Variants in PTPRT observed in about 807,000 individuals in gnomAD.
The protein encoded by PTPRT is protein tyrosine phosphatase receptor type T, also known as receptor-type tyrosine-protein phosphatase T.
In PTPRT, 56 loss-of-function variants were observed where a neutral mutation model predicts 176.8. That is an observed-to-expected ratio of 0.32 (90% CI 0.26 to 0.40). The LOEUF (loss-of-function observed/expected upper bound fraction) is 0.40, where lower values mean the gene tolerates loss of function less well. Among genes scored for constraint, PTPRT ranks in the 10% least tolerant of loss-of-function variants. The pLI is 1.00. For synonymous variants in PTPRT, 783 were observed against 739.0 expected (o/e 1.06, Z -0.96); for missense variants, 1,540 against 1,908.2 (o/e 0.81, Z 3.60).
At chr20:42,585,253 A>G (rs549206436) in intron 7 of PTPRT, among the ~76,000 whole-genome samples, 4 of 152,210 alleles carry the variant, frequency 2.6e-5, no homozygotes, top group Admixed American at 2.0e-4. Context: ...TAAGAGATAC[A>G]TGATAAATAT....
intron 1 of PTPRT, among the ~76,000 whole-genome samples, chr20:42,967,396 G>C (rs1352731287): frequency 6.6e-6 from 1 of 152,122 alleles, no homozygotes; most frequent in African/African-American, 2.4e-5. Context: ...AAGAGGAAAA[G>C]ACACAGACAC....
intron 2 of PTPRT, among the ~76,000 whole-genome samples, chr20:42,841,911 G>C (rs1178806103): frequency 6.6e-6 from 1 of 152,222 alleles, no homozygotes; most frequent in Non-Finnish European, 1.5e-5. Flanking sequence ...GAAGGCCTGT[G>C]ACTTGTGCAT....
intron 9 of PTPRT, among the ~76,000 whole-genome samples, chr20:42,393,994 A>G (rs749675746): frequency 1.3e-5 from 2 of 152,156 alleles, no homozygotes; most frequent in Non-Finnish European, 2.9e-5. Context: ...TCCAAAACAA[A>G]TAAGGAGGAA....
intron 1 of PTPRT, among the ~76,000 whole-genome samples, chr20:42,896,729 T>C (rs937420108): frequency 1.1e-4 from 17 of 151,988 alleles, no homozygotes; most frequent in Non-Finnish European, 2.5e-4. Flanking sequence ...AGGGCCTGTA[T>C]GACTCAGTGC....
chr20:42,878,740 C>A (rs1200123905), intron 2 of PTPRT, among the ~76,000 whole-genome samples: 2 of 152,162 alleles, frequency 1.3e-5, no homozygotes, highest in African/African-American at 4.8e-5. Context: ...TAGAAGAAAG[C>A]AACGCTGGCC....
intron 7 of PTPRT, among the ~76,000 whole-genome samples, chr20:42,481,551 A>G (rs2071384627): frequency 6.6e-6 from 1 of 152,166 alleles, no homozygotes. Flanking sequence ...CTAATTAGCA[A>G]CATGGAGGTT....
intron 7 of PTPRT, among the ~76,000 whole-genome samples, chr20:42,477,247 C>T (rs1432653180): frequency 6.6e-6 from 1 of 152,204 alleles, no homozygotes; most frequent in East Asian, 1.9e-4. Flanking sequence ...CAACGTGGCA[C>T]AGGGTCTGTC....
chr20:42,640,644 TA>T, intron 7 of PTPRT, among the ~76,000 whole-genome samples: 1 of 152,222 alleles, frequency 6.6e-6, no homozygotes, highest in South Asian at 2.1e-4. Context: ...CCCAAAGTGC[TA>T]GGATTACCTG....
rs545935680 is a variant in PTPRT at position 42,529,412 on chromosome 20, G to A, written c.1154-56850C>T. Among the ~76,000 whole-genome samples the A allele has an allele frequency of 3.3e-5, 5 of 152,332 alleles. No individual in the cohort carries two copies. In the South Asian group the frequency reaches 1.0e-3, roughly 32 times the overall value. ...ATCAGATATGGATGGAAGAATGGGA[G>A]AAGGAGGAGCCAACTGCTGATAACA... On this transcript the variant is annotated intron_variant, in intron 7 of 30. Transcript: ENST00000373187.
chr20:42,890,379 G>A (rs1160992197), intron 1 of PTPRT, among the ~76,000 whole-genome samples: 3 of 152,104 alleles, frequency 2.0e-5, no homozygotes, highest in Non-Finnish European at 4.4e-5. Flanking sequence ...TGACATCTGG[G>A]TACAACCTGT....
chr20:42,357,607 T>C (rs1300541606), intron 9 of PTPRT, among the ~76,000 whole-genome samples: 1 of 152,172 alleles, frequency 6.6e-6, no homozygotes. Context: ...AGAATGTCCA[T>C]GAGTGGCTTT....
At chr20:42,784,292 C>T (rs145881906) in intron 3 of PTPRT, among the ~76,000 whole-genome samples, 22 of 152,276 alleles carry the variant, frequency 1.4e-4, no homozygotes, top group African/African-American at 4.6e-4. Context: ...TTAACCTAAT[C>T]TTTTATAGTT....
intron 2 of PTPRT, among the ~76,000 whole-genome samples, chr20:42,835,703 G>C (rs192634780): frequency 6.6e-6 from 1 of 152,096 alleles, no homozygotes; most frequent in Non-Finnish European, 1.5e-5. Context: ...GATTATTTTT[G>C]GTTATTACTG....
chr20:42,948,335 C>G (rs1335737213), intron 1 of PTPRT, among the ~76,000 whole-genome samples: 3 of 152,176 alleles, frequency 2.0e-5, no homozygotes, highest in East Asian at 3.9e-4. Flanking sequence ...TCTAGGAACA[C>G]CCGGTTCATC....
chr20:42,167,948 G>A (rs2146530426), intron 16 of PTPRT, among the ~76,000 whole-genome samples: 1 of 152,262 alleles, frequency 6.6e-6, no homozygotes, highest in Non-Finnish European at 1.5e-5. Flanking sequence ...GCCTACTGTT[G>A]AGCAGAAGCC....
intron 13 of PTPRT, among the ~76,000 whole-genome samples, chr20:42,277,680 C>A (rs1166503589): frequency 1.3e-5 from 2 of 152,078 alleles, no homozygotes; most frequent in Non-Finnish European, 2.9e-5. Flanking sequence ...GAAGCAAGTC[C>A]ATGGTGGGTA....
intron 1 of PTPRT, among the ~76,000 whole-genome samples, chr20:43,021,976 A>G (rs1265548824): frequency 6.6e-6 from 1 of 152,142 alleles, no homozygotes; most frequent in Non-Finnish European, 1.5e-5. Flanking sequence ...GAAAAGGACA[A>G]AAGAGGTATG....
chr20:42,086,004 T>C (rs1600471466), intron 27 of PTPRT, 151 bp from the exon 28 acceptor site: 15 of 1,028,414 alleles, frequency 1.5e-5, no homozygotes, highest in African/African-American at 3.3e-5. Context: ...CTGGAGTGCA[T>C]TGGCACGATT....
intron 5 of PTPRT, among the ~76,000 whole-genome samples, chr20:42,767,397 G>C (rs1305648952): frequency 1.3e-5 from 2 of 152,034 alleles, no homozygotes; most frequent in Admixed American, 1.3e-4. Flanking sequence ...CTGACTGCTT[G>C]AGTTGGAACA....
Sources: gnomAD v4.1 joint callset for allele counts (sites outside exome capture counted in the v4.1 genomes callset) on GRCh38, gnomAD v4.1.1 for gene constraint, MANE v1.5 for transcripts, NCBI Gene and HGNC (gene_info 2026-07-23, HGNC 2026-07-21) for gene names.